Variants in LARGE1 observed in about 807,000 individuals in gnomAD.
The protein encoded by LARGE1 is xylosyl- and glucuronyltransferase LARGE1.
In LARGE1, 43 loss-of-function variants were observed where a neutral mutation model predicts 87.6. That is an observed-to-expected ratio of 0.49 (90% confidence interval 0.38 to 0.63). The LOEUF (loss-of-function observed/expected upper bound fraction) is 0.63, where lower values mean the gene tolerates loss of function less well. Among genes scored for constraint, LARGE1 ranks in the 30% least tolerant of loss-of-function variants. The pLI is 0.00. For missense variants in LARGE1, 802 were observed against 1,000.2 expected, an observed-to-expected ratio of 0.80 and a Z score of 2.67; for synonymous variants, 434 against 394.6, an observed-to-expected ratio of 1.10 and a Z score of -1.18.
In LARGE1 at chr22:33,626,303, G is replaced by A. The variant is rs201977889; in HGVS notation, c.432C>T (p.Cys144=). ...CATCCCGGCTGGCATTGTATCCGGCGCAGACAATAGCAACGTGGATTGTCT... is the reference window on the plus strand; with the variant it reads ...CATCCCGGCTGGCATTGTATCCGGCACAGACAATAGCAACGTGGATTGTCT... ...KCETIHVAIV[C]AGYNASRDVV... is the part of the protein sequence containing the mutation. Residue 144 remains cysteine, a synonymous_variant, in exon 4 of 15, where the codon TGC becomes TGT. Transcript: ENST00000397394. 292 of 1,613,870 alleles carry A rather than the reference G, an allele frequency of 1.8e-4. No homozygotes were observed. The highest frequency in any genetic ancestry group is 2.3e-4 in the Non-Finnish European group (270 of 1,179,904).
At chr22:33,509,165 C>T (rs954557625) in intron 6 of LARGE1, among the ~76,000 whole-genome samples, 2 of 152,166 alleles carry the variant, frequency 1.3e-5, no homozygotes, top group African/African-American at 4.8e-5. Context: ...GGCCCCACCC[C>T]TAGGGTTACT....
At chr22:33,222,583 G>A (rs1269047029) in intron 11 of LARGE1, among the ~76,000 whole-genome samples, 1 of 152,194 alleles carries the variant, frequency 6.6e-6, no homozygotes, top group East Asian at 1.9e-4. Flanking sequence ...GATGTTGTAA[G>A]AGTCGGAAGA....
upstream of LARGE1, among the ~76,000 whole-genome samples, chr22:33,921,037 G>C (rs1162189093): frequency 6.7e-6 from 1 of 149,982 alleles, no homozygotes; most frequent in South Asian, 2.1e-4. The surrounding 1 kb of genome is among the most constrained non-coding windows in gnomAD (Gnocchi z 4.1). Flanking sequence ...CTGTGCAGCC[G>C]GGGGGGACCG....
At chr22:33,620,773 C>A (rs112912771) in intron 4 of LARGE1, among the ~76,000 whole-genome samples, 2 of 151,970 alleles carry the variant, frequency 1.3e-5, no homozygotes, top group African/African-American at 4.8e-5. Flanking sequence ...AAAAATTAGC[C>A]GGGCGTGGTG....
chr22:33,848,981 T>C (rs142819105), intron 1 of LARGE1, among the ~76,000 whole-genome samples: 4 of 152,350 alleles, frequency 2.6e-5, no homozygotes, highest in Non-Finnish European at 4.4e-5. Context: ...TTCATTGTTC[T>C]TCATGGGTTT....
At chr22:33,538,378 C>T (rs1440616788) in intron 6 of LARGE1, among the ~76,000 whole-genome samples, 1 of 152,238 alleles carries the variant, frequency 6.6e-6, no homozygotes, top group African/African-American at 2.4e-5. Flanking sequence ...ACTTCTCTTT[C>T]TTGCGCATTC....
intron 1 of LARGE1, among the ~76,000 whole-genome samples, chr22:33,872,301 T>C (rs1200106285): frequency 6.6e-6 from 1 of 151,442 alleles, no homozygotes; most frequent in Non-Finnish European, 1.5e-5. Context: ...TCAGGTTGAG[T>C]GTACCAGAAG....
At chr22:33,329,363 T>C (rs929091752) in intron 10 of LARGE1, among the ~76,000 whole-genome samples, 1 of 152,212 alleles carries the variant, frequency 6.6e-6, no homozygotes, top group Non-Finnish European at 1.5e-5. Context: ...ATAATCTAGC[T>C]TTTAACATAA....
At chr22:33,759,387 G>A (rs1294590094) in intron 2 of LARGE1, among the ~76,000 whole-genome samples, 1 of 152,162 alleles carries the variant, frequency 6.6e-6, no homozygotes, top group Non-Finnish European at 1.5e-5. Context: ...AACAACTCAA[G>A]CTCTTGAGTC....
intron 8 of LARGE1, among the ~76,000 whole-genome samples, chr22:33,383,130 ATCT>A (rs2065212358): frequency 1.3e-5 from 2 of 152,306 alleles, no homozygotes; most frequent in South Asian, 4.2e-4. Flanking sequence ...CAGAGAAATC[ATCT>A]TCGTGCCTGA....
intron 1 of LARGE1, among the ~76,000 whole-genome samples, chr22:33,784,851 C>G (rs2085548190): frequency 6.7e-6 from 1 of 150,240 alleles, no homozygotes; most frequent in Admixed American, 6.6e-5. Context: ...CACACATAGA[C>G]AGTTTATATT....
In LARGE1 at chr22:33,415,604, C is replaced by T. The variant is rs114460068; in HGVS notation, c.892+16557G>A. Among the ~76,000 whole-genome samples, 1,357 of 152,212 alleles carry T rather than the reference C, an allele frequency of 8.9e-3. 24 individuals carry two copies. The highest frequency in any genetic ancestry group is 0.031 in the African/African-American group (1,299 of 41,526). On this transcript the variant is annotated intron_variant, in intron 7 of 14. Coordinates refer to ENST00000397394, the MANE Select transcript of LARGE1 (RefSeq NM_133642.5). ...CTCTAGCTGCTCAGTTTAATTAGAGCCCCCACCAAGTCTCATAGGAGGGGG... is the reference window on the plus strand; with the variant it reads ...CTCTAGCTGCTCAGTTTAATTAGAGTCCCCACCAAGTCTCATAGGAGGGGG...
At position 33,564,921 on chromosome 22, in the gene LARGE1, G is replaced by A. The variant is rs767669687; in HGVS notation, c.714C>T (p.Val238=). 1.2e-6 allele frequency: 2 copies of A among 1,614,172 alleles called. No homozygotes were observed. The highest frequency in any genetic ancestry group is 8.5e-7 in the Non-Finnish European group (1 of 1,180,010). ...TKTLPANLER[V]IVLDTDITFA... ...AGGTGATATCCGTGTCAAGGACGAT[G>A]ACTCTCTCCAGGTTGGCAGGAAGAG... The change falls in exon 6 of 15, where the codon GTC becomes GTT. Residue 238 remains valine, a synonymous_variant. Coordinates refer to ENST00000397394, the MANE Select transcript of LARGE1 (RefSeq NM_133642.5).
At chr22:33,648,993 G>A (rs554684381) in intron 3 of LARGE1, among the ~76,000 whole-genome samples, 17 of 152,244 alleles carry the variant, frequency 1.1e-4, no homozygotes, top group Middle Eastern at 3.4e-3. Context: ...CCACCTCCTC[G>A]CCCAGGTTCT....
intron 1 of LARGE1, among the ~76,000 whole-genome samples, chr22:33,829,111 C>T (rs908728375): frequency 6.7e-6 from 1 of 149,544 alleles, no homozygotes; most frequent in South Asian, 2.1e-4. Flanking sequence ...CACGTTCAAC[C>T]GATTCTCCTG....
intron 1 of LARGE1, among the ~76,000 whole-genome samples, chr22:33,917,674 C>T (rs1452298752): frequency 6.6e-6 from 1 of 152,114 alleles, no homozygotes; most frequent in East Asian, 1.9e-4. Context: ...TTTTGTAGTC[C>T]TTAAATACTT....
intron 6 of LARGE1, among the ~76,000 whole-genome samples, chr22:33,552,022 T>G (rs991423566): frequency 6.8e-6 from 1 of 146,230 alleles, no homozygotes; most frequent in Admixed American, 6.8e-5. Flanking sequence ...AAAAGTGATC[T>G]AGCTAAAAAA....
At chr22:33,514,282 C>CCACACACACACA (rs60301225) in intron 6 of LARGE1, among the ~76,000 whole-genome samples, 2 of 147,862 alleles carry the variant, frequency 1.4e-5, no homozygotes, top group African/African-American at 4.9e-5. Flanking sequence ...CTATGTGTGT[C>CCACACACACACA]CACACACACA....
intron 6 of LARGE1, among the ~76,000 whole-genome samples, chr22:33,554,950 T>G (rs1015149806): frequency 6.6e-6 from 1 of 152,234 alleles, no homozygotes; most frequent in Non-Finnish European, 1.5e-5. Flanking sequence ...CAAAGATCCC[T>G]GCCTTCCTGG....
Sources: gnomAD v4.1 joint callset for allele counts (sites outside exome capture counted in the v4.1 genomes callset) on GRCh38, gnomAD v4.1.1 for gene constraint, Gnocchi (gnomAD v3.1) non-coding constraint, MANE v1.5 for transcripts, NCBI Gene and HGNC (gene_info 2026-07-23, HGNC 2026-07-21) for gene names.